Variants in DIP2C observed in about 807,000 individuals in gnomAD.
DIP2C encodes disco-interacting protein 2 homolog C.
DIP2C carries 33 observed loss-of-function variants against 192.4 expected under a neutral mutation model. That is an observed-to-expected ratio of 0.17 (90% CI 0.13 to 0.23). The LOEUF (loss-of-function observed/expected upper bound fraction) is 0.23, where lower values mean the gene tolerates loss of function less well. DIP2C is among the 10% of genes least tolerant of loss of function. DIP2C has a pLI of 1.00. For synonymous variants in DIP2C, 979 were observed against 864.1 expected (o/e 1.13, Z -2.33); for missense variants, 1,537 against 2,110.1 (o/e 0.73, Z 5.32).
At chr10:586,066 G>A (rs1346381314) in intron 1 of DIP2C, among the ~76,000 whole-genome samples, 6 of 152,282 alleles carry the variant, frequency 3.9e-5, no homozygotes, top group Non-Finnish European at 5.9e-5. Context: ...AAGGGCAGGT[G>A]GAGTTCCTGA....
At position 363,709 on chromosome 10, in the gene DIP2C, C is replaced by G. The variant is rs377248705; in HGVS notation, c.2478-398G>C. ...TCAGTAGAAATTTGCCGTTTCAGAA[C>G]TAGTGATTTTCTGCTAAGTGTATGT... On this transcript the variant is annotated intron_variant, in intron 20 of 36. Coordinates refer to ENST00000280886, the MANE Select transcript of DIP2C (RefSeq NM_014974.3). The surrounding 1 kb of genome is among the most constrained non-coding windows in gnomAD (Gnocchi z 5.4). Among the ~76,000 whole-genome samples the G allele has an allele frequency of 5.9e-5, 9 of 152,298 alleles. No homozygotes were observed. Among genetic ancestry groups the G allele is most frequent in the African/African-American group, 2.2e-4 (9 of 41,568 alleles).
rs766645353 is a variant in DIP2C, at chr10:401,750, C to A, written c.1150-2531G>T. On this transcript the variant is annotated intron_variant, in intron 9 of 36. Transcript: ENST00000280886. ...AGCACATGAATCCTGTGATTTTACACGTGTGGCAGCATTAGCATTACTCTT... is the reference window on the plus strand; with the variant it reads ...AGCACATGAATCCTGTGATTTTACAAGTGTGGCAGCATTAGCATTACTCTT... Among the ~76,000 whole-genome samples the A allele has an allele frequency of 4.8e-5, 5 of 105,212 alleles. No individual in the cohort carries two copies. The East Asian group carries it at 7.8e-4, about 16-fold the overall frequency. The allele number at this position is 105,212 out of a possible 152,430, so 69.0% of individuals were successfully genotyped here. A position where few individuals can be genotyped will look rare whatever the true frequency, so the allele number is the denominator to read the frequency against.
Position 364,587 on chromosome 10 carries a change from G to A in DIP2C, c.2269-5C>T. 6.2e-7 allele frequency: 1 copy of A among 1,613,052 alleles called. No individual in the cohort carries two copies. The highest frequency in any genetic ancestry group is 2.2e-5 in the East Asian group (1 of 44,872). On this transcript the variant is annotated splice_polypyrimidine_tract_variant and splice_region_variant and intron_variant, in intron 19 of 36. Transcript: ENST00000280886. ...GGAGCTTGTCATGGGAAACACCTGG[G>A]GGAAACAGCATCCATCAGGCCACTG...
chr10:327,472 G>A (rs974681117), intron 30 of DIP2C, among the ~76,000 whole-genome samples: 1 of 152,234 alleles, frequency 6.6e-6, no homozygotes, highest in Non-Finnish European at 1.5e-5. Context: ...CTTCCTGGCT[G>A]AGACGATGAA....
At chr10:417,945 C>T (rs1398496848) in intron 6 of DIP2C, among the ~76,000 whole-genome samples, 1 of 106,958 alleles carries the variant, frequency 9.3e-6, no homozygotes. Flanking sequence ...CTTCGATAGG[C>T]CTCCCTGTCC....
chr10:601,235 C>A (rs770966802), intron 1 of DIP2C, among the ~76,000 whole-genome samples: 1 of 152,140 alleles, frequency 6.6e-6, no homozygotes, highest in African/African-American at 2.4e-5. Flanking sequence ...AACTCATTAC[C>A]ACTCCAAAGG....
chr10:378,334 G>C (rs1237925621), intron 17 of DIP2C, among the ~76,000 whole-genome samples: 1 of 152,120 alleles, frequency 6.6e-6, no homozygotes, highest in Non-Finnish European at 1.5e-5. Flanking sequence ...TGAACACGAA[G>C]GTGAAAACAG....
At chr10:577,220 G>A (rs757521780) in intron 1 of DIP2C, among the ~76,000 whole-genome samples, 5 of 152,142 alleles carry the variant, frequency 3.3e-5, no homozygotes, top group African/African-American at 9.7e-5. Flanking sequence ...ACTGACACAT[G>A]GTACAAGAAG....
At chr10:300,427 GTACC>G (rs1955969528) in intron 32 of DIP2C, among the ~76,000 whole-genome samples, 1 of 152,222 alleles carries the variant, frequency 6.6e-6, no homozygotes, top group Non-Finnish European at 1.5e-5. Flanking sequence ...CTTACATGAG[GTACC>G]TACCTAGAGT....
intron 26 of DIP2C, among the ~76,000 whole-genome samples, chr10:347,523 A>G (rs1958551577): frequency 7.7e-6 from 1 of 130,016 alleles, no homozygotes; most frequent in Non-Finnish European, 1.6e-5. Flanking sequence ...CGGAAACCCC[A>G]CACGCACCCA....
intron 1 of DIP2C, among the ~76,000 whole-genome samples, chr10:555,791 C>T (rs747089721): frequency 6.2e-4 from 94 of 152,098 alleles, no homozygotes; most frequent in Non-Finnish European, 1.2e-3. Context: ...CGCAAGGTCA[C>T]GCAGGATGCC....
intron 3 of DIP2C, among the ~76,000 whole-genome samples, chr10:445,664 T>C (rs61837242): frequency 6.7e-6 from 1 of 150,370 alleles, no homozygotes; most frequent in Admixed American, 6.6e-5. Context: ...ACATCTGTTG[T>C]GAAGAGTCCA....
chr10:343,114 C>T (rs1468035038), intron 28 of DIP2C, among the ~76,000 whole-genome samples: 3 of 148,798 alleles, frequency 2.0e-5, no homozygotes, highest in Admixed American at 6.6e-5. Context: ...ACAGTGAAAC[C>T]CCATCTCTAC....
chr10:478,635 T>C (rs1475818192), intron 2 of DIP2C, among the ~76,000 whole-genome samples: 1 of 144,948 alleles, frequency 6.9e-6, no homozygotes, highest in Non-Finnish European at 1.5e-5. Flanking sequence ...CATCTTATTC[T>C]CAACTCATCC....
Position 440,904 on chromosome 10 carries a change from C to A in DIP2C, c.361G>T (p.Val121Leu). 2 of 1,613,642 alleles carry A rather than the reference C, an allele frequency of 1.2e-6. No individual in the cohort carries two copies. Among genetic ancestry groups the A allele is most frequent in the South Asian group, 1.1e-5 (1 of 91,080 alleles). ...PMPSKRRSLV[V>L]QTSMDAYTPP... ...GTGTAGGCGTCCATCGAGGTCTGCA[C>A]GACCAGGGACCTGCGTTTGGAAGGC... is the stretch of plus-strand genomic sequence containing the variant. Residue 121 changes from valine to leucine, a missense_variant, in exon 4 of 37, where the codon GTG becomes TTG. Val to Leu is a conservative substitution (Grantham distance 32). This residue lies in a region of DIP2C where 473 missense variants were observed against 539.6 expected (regional missense o/e 0.88). Transcript: ENST00000280886.
intron 4 of DIP2C, among the ~76,000 whole-genome samples, chr10:439,321 C>T (rs888071754): frequency 4.6e-5 from 7 of 151,820 alleles, no homozygotes; most frequent in East Asian, 1.9e-4. Flanking sequence ...GCTAGCACGG[C>T]GTTCACTCCC....
Position 513,554 on chromosome 10 carries a change from G to T in DIP2C, c.86-27024C>A, listed in dbSNP as rs1588355693. Among the ~76,000 whole-genome samples, 7 of 152,208 alleles carry T rather than the reference G, an allele frequency of 4.6e-5. No homozygotes were observed. The South Asian group carries it at 1.5e-3, about 32-fold the overall frequency. ...GCAGCCCATGCTTCTTGTCCACCGTGCCACACCGCGGTCCACTGCGCCACA... is the reference window on the plus strand; with the variant it reads ...GCAGCCCATGCTTCTTGTCCACCGTTCCACACCGCGGTCCACTGCGCCACA... On this transcript the variant is annotated intron_variant, in intron 1 of 36. Transcript: ENST00000280886.
intron 31 of DIP2C, among the ~76,000 whole-genome samples, chr10:320,462 C>G (rs1415151391): frequency 1.3e-5 from 2 of 148,490 alleles, no homozygotes; most frequent in Non-Finnish European, 3.0e-5. Context: ...GAGCCGAGAT[C>G]ATGCCATTAC....
chr10:638,863 G>C (rs1854981295), intron 1 of DIP2C, among the ~76,000 whole-genome samples: 1 of 152,262 alleles, frequency 6.6e-6, no homozygotes, highest in Non-Finnish European at 1.5e-5. Context: ...TCCTTTCCAG[G>C]ACAGGCTCTA....
Sources: gnomAD v4.1 joint callset for allele counts (sites outside exome capture counted in the v4.1 genomes callset) on GRCh38, gnomAD v4.1.1 for gene constraint, gnomAD v4.1.1 regional missense constraint, Gnocchi (gnomAD v3.1) non-coding constraint, MANE v1.5 for transcripts, NCBI Gene and HGNC (gene_info 2026-07-23, HGNC 2026-07-21) for gene names.